The following WIF1 variants were observed in gnomAD, a reference collection of about 807,000 sequenced individuals.
The protein encoded by WIF1 is Wnt inhibitory factor 1.
WIF1 carries 35 observed loss-of-function variants against 53.5 expected under a neutral mutation model. That is an observed-to-expected ratio of 0.65 (90% CI 0.50 to 0.87). The LOEUF is 0.87. WIF1 is among the 40% of genes least tolerant of loss of function. WIF1 has a pLI of 0.00. For synonymous variants in WIF1, 171 were observed against 170.4 expected, an observed-to-expected ratio of 1.00 and a Z score of -0.03; for missense variants, 467 against 476.8, an observed-to-expected ratio of 0.98 and a Z score of 0.19.
chr12:65,080,142 T>A (rs1882925727), intron 2 of WIF1, among the ~76,000 whole-genome samples: 1 of 152,170 alleles, frequency 6.6e-6, no homozygotes, highest in South Asian at 2.1e-4. Context: ...TACTTGAAGT[T>A]AATTGAGAAA....
intron 6 of WIF1, among the ~76,000 whole-genome samples, chr12:65,063,151 C>T (rs1882639087): frequency 6.6e-6 from 1 of 152,070 alleles, no homozygotes; most frequent in African/African-American, 2.4e-5. Context: ...GGTGAGATCC[C>T]ATAGGTAGGA....
intron 2 of WIF1, among the ~76,000 whole-genome samples, chr12:65,119,811 G>T (rs1334091852): frequency 1.3e-5 from 2 of 152,146 alleles, no homozygotes; most frequent in Admixed American, 1.3e-4. Flanking sequence ...TAAAAGGAAT[G>T]CTTCTTCATA....
At chr12:65,072,304 C>T (rs1882796748) in intron 3 of WIF1, among the ~76,000 whole-genome samples, 1 of 152,134 alleles carries the variant, frequency 6.6e-6, no homozygotes, top group Non-Finnish European at 1.5e-5. Flanking sequence ...ACTCAACTTT[C>T]AAGGCCAAAA....
At chr12:65,056,491 G>A (rs1007071466) in intron 7 of WIF1, among the ~76,000 whole-genome samples, 3 of 144,498 alleles carry the variant, frequency 2.1e-5, no homozygotes, top group African/African-American at 7.7e-5. Flanking sequence ...TCTCAAAAGT[G>A]CTGGGATTAC....
chr12:65,072,576 T>TTG (rs1592391596), intron 3 of WIF1, among the ~76,000 whole-genome samples: 1 of 152,264 alleles, frequency 6.6e-6, no homozygotes, highest in East Asian at 1.9e-4. Flanking sequence ...ACCATATACC[T>TTG]TGTGTGCACA....
At chr12:65,108,596 C>A (rs1883384447) in intron 2 of WIF1, among the ~76,000 whole-genome samples, 1 of 152,130 alleles carries the variant, frequency 6.6e-6, no homozygotes, top group African/African-American at 2.4e-5. Flanking sequence ...CCATTAACAC[C>A]CATGCTCAAT....
intron 7 of WIF1, among the ~76,000 whole-genome samples, chr12:65,060,514 A>T (rs1489073138): frequency 6.6e-6 from 1 of 152,208 alleles, no homozygotes; most frequent in Non-Finnish European, 1.5e-5. Flanking sequence ...AGAAACAGAA[A>T]GTAGCTTAGT....
At chr12:65,077,005 C>A (rs1882871272) in intron 3 of WIF1, among the ~76,000 whole-genome samples, 1 of 151,966 alleles carries the variant, frequency 6.6e-6, no homozygotes, top group Admixed American at 6.6e-5. Context: ...CACAAGTGAT[C>A]TCTGTATATT....
rs1424705816 is a variant in WIF1, at chr12:65,121,035, G to A, written c.148+9C>T. 1.0e-5 allele frequency: 15 copies of A among 1,454,070 alleles called. No individual in the cohort carries two copies. Among genetic ancestry groups the A allele is most frequent in the Admixed American group, 2.4e-5 (1 of 41,166 alleles). The allele number at this position is 1,454,070 out of a possible 1,614,324, so 90.1% of individuals were successfully genotyped here. On this transcript the variant is annotated intron_variant, in intron 1 of 9. Coordinates refer to ENST00000286574, the MANE Select transcript of WIF1 (RefSeq NM_007191.5). ...AGGCAGGGGAAGGCGCTGGAGGCGG[G>A]GGCCTTACCTATGAGTACTCTTGCC...
intron 2 of WIF1, among the ~76,000 whole-genome samples, chr12:65,079,164 C>CAAAAAAAAA (rs1226121849): frequency 1.2e-5 from 1 of 80,106 alleles, no homozygotes; most frequent in African/African-American, 5.4e-5. Flanking sequence ...GACTCCATCT[C>CAAAAAAAAA]AAAAAAAAAA....
At chr12:65,107,047 T>G (rs901871431) in intron 2 of WIF1, among the ~76,000 whole-genome samples, 1 of 152,206 alleles carries the variant, frequency 6.6e-6, no homozygotes, top group Non-Finnish European at 1.5e-5. Context: ...AGTAATGAGC[T>G]ATTGAAATGA....
chr12:65,100,881 C>T (rs570840786), intron 2 of WIF1, among the ~76,000 whole-genome samples: 1 of 151,946 alleles, frequency 6.6e-6, no homozygotes, highest in South Asian at 2.1e-4. Flanking sequence ...TAAAATACCA[C>T]AAAATATTGT....
chr12:65,055,893 G>C (rs949407432), intron 8 of WIF1, 138 bp downstream of exon 8: 7 of 659,508 alleles, frequency 1.1e-5, no homozygotes, highest in African/African-American at 1.8e-5. Flanking sequence ...GTCTACATAA[G>C]GAAGCATATA....
intron 2 of WIF1, among the ~76,000 whole-genome samples, chr12:65,117,566 G>C (rs1182627207): frequency 6.6e-6 from 1 of 152,120 alleles, no homozygotes; most frequent in Admixed American, 6.6e-5. Flanking sequence ...ATTTCTGGAT[G>C]CTTCAGGCAC....
At chr12:65,120,958 C>T (rs1883599284) in intron 1 of WIF1, 86 bp downstream of exon 1, 2 of 1,349,082 alleles carry the variant, frequency 1.5e-6, no homozygotes, top group Admixed American at 3.5e-5. Context: ...AGTTTTAAAA[C>T]ACAAGAAACG....
At chr12:65,112,404 T>TCA (rs758383148) in intron 2 of WIF1, among the ~76,000 whole-genome samples, 11,589 of 123,362 alleles carry the variant, frequency 0.094, 709 homozygotes, top group East Asian at 0.22. Flanking sequence ...CCTGCTCTAA[T>TCA]CACACACACA....
intron 2 of WIF1, among the ~76,000 whole-genome samples, chr12:65,078,840 A>G (rs919277907): frequency 6.6e-6 from 1 of 152,192 alleles, no homozygotes; most frequent in Admixed American, 6.5e-5. Flanking sequence ...TAGAGCTTTA[A>G]TGCTTAATGG....
At chr12:65,086,655 G>A (rs1485463286) in intron 2 of WIF1, among the ~76,000 whole-genome samples, 1 of 151,736 alleles carries the variant, frequency 6.6e-6, no homozygotes, top group Non-Finnish European at 1.5e-5. Context: ...AAGGGAGAGG[G>A]AGACAGTTCT....
At chr12:65,068,005 T>A (rs1481123564) in intron 4 of WIF1, among the ~76,000 whole-genome samples, 2 of 152,136 alleles carry the variant, frequency 1.3e-5, no homozygotes, top group East Asian at 3.9e-4. Context: ...TTTCCAACAG[T>A]AGGGGGCTCT....
Sources: allele counts gnomAD v4.1 joint callset (sites outside exome capture counted in the v4.1 genomes callset), GRCh38; gene constraint gnomAD v4.1.1; transcripts MANE v1.5; gene names NCBI Gene and HGNC (gene_info 2026-07-23, HGNC 2026-07-21).